The following GMEB1 variants were observed in gnomAD, a reference collection of about 807,000 sequenced individuals.
GMEB1 encodes the protein glucocorticoid modulatory element binding protein 1.
In GMEB1, 6 loss-of-function variants were observed where a neutral mutation model predicts 52.4. The observed-to-expected ratio is 0.11, with a 90% confidence interval of 0.06 to 0.23. The LOEUF is 0.23. GMEB1 is among the 10% of genes least tolerant of loss of function. The pLI, the probability that GMEB1 is intolerant of heterozygous loss-of-function variation, is 1.00. For synonymous variants in GMEB1, 255 were observed against 244.9 expected (o/e 1.04, Z -0.38); for missense variants, 486 against 685.6 (o/e 0.71, Z 3.25).
chr1:28,715,555 A>G lies in GMEB1; in HGVS notation c.*782A>G, dbSNP rs2124605701. The G allele has an allele frequency of 6.7e-6, 1 of 149,984 alleles. No individual in the cohort carries two copies. The highest frequency in any genetic ancestry group is 2.1e-4 in the South Asian group (1 of 4,708). 9.3% of individuals were successfully genotyped at this position (149,984 alleles called of 1,614,324 possible). ...AAGGCAGAGGTTGCAGTGAGCCAAG[A>G]TCGCACCACTGCACTCCAGCCTGGG... On this transcript the variant is annotated 3_prime_UTR_variant, in exon 10 of 10. Transcript: ENST00000373816.
chr1:28,704,761 C>G (rs1006199108), intron 8 of GMEB1, among the ~76,000 whole-genome samples: 1 of 152,078 alleles, frequency 6.6e-6, no homozygotes, highest in African/African-American at 2.4e-5. Context: ...GCGCCCACCA[C>G]CACATCCGGC....
intron 4 of GMEB1, 110 bp downstream of exon 4, chr1:28,691,819 T>TATTC (rs1399915219): frequency 2.1e-5 from 4 of 190,954 alleles, no homozygotes; most frequent in African/African-American, 9.6e-5. Flanking sequence ...TTTATTTATT[T>TATTC]ATTTATTTAT....
chr1:28,686,593 C>T (rs1425188195), intron 2 of GMEB1, among the ~76,000 whole-genome samples: 2 of 139,620 alleles, frequency 1.4e-5, no homozygotes, highest in Admixed American at 1.5e-4. Flanking sequence ...TGCACTACTG[C>T]ACTTCAGCCT....
intron 1 of GMEB1, among the ~76,000 whole-genome samples, chr1:28,680,649 C>T (rs866659606): frequency 2.0e-5 from 3 of 151,714 alleles, no homozygotes; most frequent in East Asian, 1.9e-4. Context: ...GCAGGAGAAT[C>T]GCTTGAACCT....
At chr1:28,671,888 G>A (rs956324425) in intron 1 of GMEB1, among the ~76,000 whole-genome samples, 2 of 151,772 alleles carry the variant, frequency 1.3e-5, no homozygotes, top group Non-Finnish European at 2.9e-5. Flanking sequence ...AGGTGGAGGC[G>A]GGCGGATCAC....
Position 28,685,166 on chromosome 1 carries a change from G to A in GMEB1, c.128+1426G>A, listed in dbSNP as rs115155330. 9.2e-3 allele frequency among the ~76,000 whole-genome samples: 1,395 copies of A among 151,802 alleles called. 12 individuals carry two copies. Among genetic ancestry groups the A allele is most frequent in the Non-Finnish European group, 0.015 (1,006 of 67,926 alleles). On this transcript the variant is annotated intron_variant, in intron 2 of 9. Transcript: ENST00000373816. ...AGTCTAGCACCTACTACAATACAAT[G>A]TATTATGAAGGTGTTGGAAAAAGAT... is the stretch of plus-strand genomic sequence containing the variant.
chr1:28,696,048 G>GTTTATTTA (rs886397087), intron 5 of GMEB1, among the ~76,000 whole-genome samples: 7 of 88,618 alleles, frequency 7.9e-5, no homozygotes, highest in African/African-American at 1.0e-4. Context: ...TTTATTGTTT[G>GTTTATTTA]TTTATTTATT....
intron 6 of GMEB1, 49 bp downstream of exon 6, chr1:28,697,133 CT>C: frequency 9.2e-7 from 1 of 1,092,176 alleles, no homozygotes; most frequent in Non-Finnish European, 1.3e-6. Flanking sequence ...TTCAGCAGAA[CT>C]TTCCCCCTTA....
chr1:28,696,851 C>A, intron 5 of GMEB1, 76 bp from the exon 6 acceptor site: 1 of 1,145,998 alleles, frequency 8.7e-7, no homozygotes, highest in Non-Finnish European at 1.3e-6. Context: ...AGTGTTGTCC[C>A]TATTTTTCCC....
At chr1:28,698,874 C>T (rs1293943247) in intron 6 of GMEB1, among the ~76,000 whole-genome samples, 2 of 151,794 alleles carry the variant, frequency 1.3e-5, no homozygotes, top group African/African-American at 4.8e-5. Context: ...ATCCCATCTA[C>T]TTGGGAGGCT....
At chr1:28,705,876 C>T (rs953886972) in intron 8 of GMEB1, among the ~76,000 whole-genome samples, 5 of 148,484 alleles carry the variant, frequency 3.4e-5, no homozygotes, top group African/African-American at 7.4e-5. Flanking sequence ...CATATTCGGC[C>T]GGGCGCGGTG....
chr1:28,710,697 C>T, intron 9 of GMEB1, 55 bp downstream of exon 9: 1 of 1,284,620 alleles, frequency 7.8e-7, no homozygotes, highest in Non-Finnish European at 1.0e-6. Flanking sequence ...TTCTTGTCTT[C>T]CCATTTTCTT....
intron 1 of GMEB1, among the ~76,000 whole-genome samples, chr1:28,676,865 A>G (rs1669175471): frequency 6.6e-6 from 1 of 152,150 alleles, no homozygotes; most frequent in Non-Finnish European, 1.5e-5. Flanking sequence ...CAGCCTGGCC[A>G]AGATGGTGAA....
rs1671224596 is a variant in GMEB1 at position 28,714,930 on chromosome 1, T to A, written c.*157T>A. On this transcript the variant is annotated 3_prime_UTR_variant, in exon 10 of 10. Transcript: ENST00000373816. ...ACTGAAAATGTTGGGTTCTTCCCAC[T>A]CCCTCATTGAAAAATGGACAAAACA... is the stretch of plus-strand genomic sequence containing the variant. 3.3e-6 allele frequency: 2 copies of A among 612,838 alleles called. No individual in the cohort carries two copies. Among genetic ancestry groups the A allele is most frequent in the Non-Finnish European group, 5.6e-6 (2 of 357,532 alleles). 38.0% of individuals were successfully genotyped at this position (612,838 alleles called of 1,614,324 possible).
chr1:28,714,141 C>G lies in GMEB1; in HGVS notation c.1060C>G (p.Gln354Glu). 1 of 1,614,156 alleles carries G rather than the reference C, an allele frequency of 6.2e-7. No homozygotes were observed. Residue 354 changes from glutamine to glutamate, a missense_variant, in exon 10 of 10, where the codon CAA becomes GAA. Coordinates refer to ENST00000373816, the MANE Select transcript of GMEB1 (RefSeq NM_001319674.2). The part of the protein sequence containing the change: ...QDHRLKSQTV[Q>E]NVVLMPVSTP... ...TCACAGGCTGAAATCTCAGACAGTTCAAAATGTGGTACTGATGCCTGTGAG... is the reference window on the plus strand; with the variant it reads ...TCACAGGCTGAAATCTCAGACAGTTGAAAATGTGGTACTGATGCCTGTGAG...
chr1:28,702,895 C>CA (rs542485055), intron 7 of GMEB1, among the ~76,000 whole-genome samples: 2,407 of 148,612 alleles, frequency 0.016, 31 homozygotes, highest in Non-Finnish European at 0.025. Flanking sequence ...ACTAAAAATA[C>CA]AAAAAAAAAA....
chr1:28,696,767 C>T (rs1670228164), intron 5 of GMEB1, among the ~76,000 whole-genome samples, 160 bp from the exon 6 acceptor site: 1 of 151,932 alleles, frequency 6.6e-6, no homozygotes, highest in Admixed American at 6.6e-5. Flanking sequence ...AAATTTAAAG[C>T]CCCAATTAGA....
Position 28,704,259 on chromosome 1 carries a change from A to G in GMEB1, c.798A>G (p.Ile266Met). 6.2e-7 allele frequency: 1 copy of G among 1,613,906 alleles called. No homozygotes were observed. The highest frequency in any genetic ancestry group is 8.5e-7 in the Non-Finnish European group (1 of 1,179,876). ...VGLMEEVVCN[I>M]QKEIEELLRG... ...TGATGGAAGAGGTTGTCTGCAATATACAGAAGGAAATAGAGGAGCTACTCA... is the reference window on the plus strand; with the variant it reads ...TGATGGAAGAGGTTGTCTGCAATATGCAGAAGGAAATAGAGGAGCTACTCA... The change falls in exon 8 of 10, where the codon ATA (isoleucine) becomes ATG (methionine). Residue 266 changes from isoleucine to methionine, a missense_variant. By Grantham distance (10) the Ile-to-Met change is conservative (BLOSUM62 1). Coordinates refer to ENST00000373816, the MANE Select transcript of GMEB1 (RefSeq NM_001319674.2).
chr1:28,676,414 T>A (rs1669152032), intron 1 of GMEB1, among the ~76,000 whole-genome samples: 1 of 152,158 alleles, frequency 6.6e-6, no homozygotes, highest in Non-Finnish European at 1.5e-5. Flanking sequence ...TCTGTTTCAT[T>A]CACAAAATTA....
Sources: allele counts gnomAD v4.1 joint callset (sites outside exome capture counted in the v4.1 genomes callset), GRCh38; gene constraint gnomAD v4.1.1; transcripts MANE v1.5; gene names NCBI Gene and HGNC (gene_info 2026-07-23, HGNC 2026-07-21).